TRIM61: variants seen among roughly 807,000 people sequenced by gnomAD.
The protein encoded by TRIM61 is putative tripartite motif-containing protein 61.
TRIM61 carries 1 observed loss-of-function variant against 14.2 expected under a neutral mutation model. That is an observed-to-expected ratio of 0.07 (90% CI 0.03 to 0.33). The LOEUF is 0.33. TRIM61 is among the 10% of genes least tolerant of loss of function. TRIM61 has a pLI of 0.99. For synonymous variants in TRIM61, 8 were observed against 71.6 expected, an observed-to-expected ratio of 0.11 and a Z score of 4.49; for missense variants, 19 against 202.2, an observed-to-expected ratio of 0.09 and a Z score of 5.49.
At position 164,974,340 on chromosome 4, in the gene TRIM61, A is replaced by G. The variant is rs570512170; in HGVS notation, c.-338+2348T>C. Among the ~76,000 whole-genome samples the G allele has an allele frequency of 2.6e-5, 4 of 152,354 alleles. No homozygotes were observed. In the South Asian group the frequency reaches 8.3e-4, roughly 32 times the overall value. On this transcript the variant is annotated intron_variant, in intron 2 of 4. Coordinates refer to ENST00000329314, the MANE Select transcript of TRIM61 (RefSeq NM_001012414.3). ...AGTAAGACAGAAGTTTTAGAATTTT[A>G]AAATACATCCTTTATTTTAAATAGC...
intron 2 of TRIM61, among the ~76,000 whole-genome samples, chr4:164,971,452 G>A (rs1466829433): frequency 6.6e-6 from 1 of 151,902 alleles, no homozygotes; most frequent in Non-Finnish European, 1.5e-5. Context: ...TTAGCTGGGT[G>A]TGGTGGCACA....
intron 3 of TRIM61, among the ~76,000 whole-genome samples, chr4:164,960,517 T>G (rs1280015592): frequency 1.3e-5 from 2 of 150,024 alleles, no homozygotes; most frequent in Admixed American, 6.7e-5. Flanking sequence ...ATGGCACCAC[T>G]GCACTCCAAT....
intron 3 of TRIM61, among the ~76,000 whole-genome samples, chr4:164,964,664 A>G (rs1732201413): frequency 1.3e-5 from 2 of 152,224 alleles, no homozygotes; most frequent in South Asian, 4.1e-4. Flanking sequence ...ATGTAGGGGA[A>G]AAGAATATTA....
At position 164,968,045 on chromosome 4, in the gene TRIM61, G is replaced by A. The variant is rs562834909; in HGVS notation, c.525+1433C>T. The A allele has an allele frequency of 6.8e-6, 3 of 440,610 alleles. No individual in the cohort carries two copies. In the East Asian group the frequency reaches 4.7e-4, roughly 69 times the overall value. The allele number at this position is 440,610 out of a possible 1,614,324, so 27.3% of individuals were successfully genotyped here. A position where few individuals can be genotyped will look rare whatever the true frequency, so the allele number is the denominator to read the frequency against. ...TACACACCTGTAATCCCAGCTACTT[G>A]GGAGGCTGAGGCTGAAGAATAGCTT... On this transcript the variant is annotated intron_variant, in intron 3 of 4. Transcript: ENST00000329314.
chr4:164,965,729 G>A (rs538050282), intron 3 of TRIM61, among the ~76,000 whole-genome samples: 2 of 151,824 alleles, frequency 1.3e-5, no homozygotes, highest in African/African-American at 2.4e-5. Context: ...CACTGTGCCC[G>A]GCCTTAATGT....
intron 3 of TRIM61, among the ~76,000 whole-genome samples, chr4:164,962,633 C>T (rs1433150666): frequency 6.8e-6 from 1 of 147,934 alleles, no homozygotes; most frequent in Non-Finnish European, 1.5e-5. Context: ...TGTCGAAATG[C>T]TTAGAAAAAA....
At chr4:164,969,264 C>A in intron 3 of TRIM61, 3 of 1,422,914 alleles carry the variant, frequency 2.1e-6, no homozygotes, top group Non-Finnish European at 1.8e-6. Context: ...GCCAGTAATT[C>A]CAGTTCTGAC....
intron 3 of TRIM61, chr4:164,969,252 T>C: frequency 7.1e-7 from 1 of 1,408,352 alleles, no homozygotes; most frequent in Non-Finnish European, 9.2e-7. Flanking sequence ...TCCTTAACAT[T>C]TGCCAGTAAT....
At chr4:164,961,283 G>C (rs191289010) in intron 3 of TRIM61, among the ~76,000 whole-genome samples, 21 of 149,464 alleles carry the variant, frequency 1.4e-4, no homozygotes, top group African/African-American at 5.1e-4. Flanking sequence ...TTATCAGAGA[G>C]TTGGAAACTA....
chr4:164,957,234 A>T lies in TRIM61; in HGVS notation c.526-2138T>A, dbSNP rs138226555. 6 of 1,604,292 alleles carry T rather than the reference A, an allele frequency of 3.7e-6. No individual in the cohort carries two copies. The African/African-American group carries it at 4.5e-5, about 12-fold the overall frequency. On this transcript the variant is annotated intron_variant, in intron 3 of 4. Coordinates refer to ENST00000329314, the MANE Select transcript of TRIM61 (RefSeq NM_001012414.3). ...CCAGGGACGACCACATTCGTCCAAC[A>T]GCGGTCGCTCCACCAATCCTGGGAG...
chr4:164,961,714 G>A (rs2111136591), intron 3 of TRIM61, among the ~76,000 whole-genome samples: 1 of 151,902 alleles, frequency 6.6e-6, no homozygotes, highest in Admixed American at 6.5e-5. Context: ...AAAAATGATA[G>A]CAAATCCCCA....
chr4:164,957,425 C>G (rs768046529), intron 3 of TRIM61: 2 of 1,613,946 alleles, frequency 1.2e-6, no homozygotes, highest in African/African-American at 2.7e-5. Context: ...GTCCCAGCCT[C>G]TTTTTGTGAC....
chr4:164,960,950 C>CA (rs904167008), intron 3 of TRIM61, among the ~76,000 whole-genome samples: 38 of 150,332 alleles, frequency 2.5e-4, no homozygotes, highest in African/African-American at 8.0e-4. Context: ...GACTCTATCT[C>CA]AAAAAAAATG....
chr4:164,956,881 T>C (rs957325337), intron 3 of TRIM61: 1 of 819,532 alleles, frequency 1.2e-6, no homozygotes, highest in Non-Finnish European at 1.9e-6. Context: ...CCCAGGAGGC[T>C]GGGCGAGTCC....
intron 2 of TRIM61, among the ~76,000 whole-genome samples, chr4:164,971,140 C>G (rs900901476): frequency 3.3e-5 from 5 of 152,094 alleles, no homozygotes; most frequent in African/African-American, 1.2e-4. Context: ...ATATGAGATT[C>G]TTAGTATGGA....
chr4:164,957,342 C>G (rs375185772), intron 3 of TRIM61: 1 of 1,613,870 alleles, frequency 6.2e-7, no homozygotes, highest in Non-Finnish European at 8.5e-7. Context: ...CCGGCTGTCA[C>G]GCCACCGAAA....
At chr4:164,957,286 T>C (rs953317820) in intron 3 of TRIM61, 5 of 1,614,174 alleles carry the variant, frequency 3.1e-6, no homozygotes, top group Non-Finnish European at 4.2e-6. Context: ...CCGCGTGCCC[T>C]GTCAGCCGCT....
chr4:164,966,253 A>C (rs1332077406), intron 3 of TRIM61, among the ~76,000 whole-genome samples: 1 of 152,254 alleles, frequency 6.6e-6, no homozygotes, highest in African/African-American at 2.4e-5. Context: ...AAACTGTTAT[A>C]GAAAAAGCAA....
intron 3 of TRIM61, chr4:164,956,920 G>A (rs1560881431): frequency 6.0e-6 from 7 of 1,172,212 alleles, no homozygotes; most frequent in Non-Finnish European, 2.3e-6. Context: ...GCAGAGCAGT[G>A]ATTGGGTGCG....
Sources: allele counts gnomAD v4.1 joint callset (sites outside exome capture counted in the v4.1 genomes callset), GRCh38; gene constraint gnomAD v4.1.1; transcripts MANE v1.5; gene names NCBI Gene and HGNC (gene_info 2026-07-23, HGNC 2026-07-21).